EFCAB11: variants seen among roughly 807,000 people sequenced by gnomAD.
The protein encoded by EFCAB11 is EF-hand calcium-binding domain-containing protein 11.
EFCAB11 carries 14 observed loss-of-function variants against 23.0 expected under a neutral mutation model. The ratio of observed to expected loss-of-function variants is 0.61; its 90% CI spans 0.40 to 0.95. The LOEUF (loss-of-function observed/expected upper bound fraction) is 0.95. Ranked by LOEUF, EFCAB11 falls within the 40% of genes least tolerant of loss-of-function variation. The pLI is 0.00. For synonymous variants in EFCAB11, 65 were observed against 66.6 expected (o/e 0.98, Z 0.11); for missense variants, 198 against 195.8 (o/e 1.01, Z -0.07).
chr14:89,925,270 GGACCAGATGTTGGAAAAGA>G (rs1226071620), intron 5 of EFCAB11, among the ~76,000 whole-genome samples: 1 of 152,124 alleles, frequency 6.6e-6, no homozygotes, highest in Non-Finnish European at 1.5e-5. Context: ...TTTGAAAAGG[GGACCAGATGTTGGAAAAGA>G]GACCAGATGT....
chr14:89,873,401 A>G (rs551803005), intron 5 of EFCAB11, among the ~76,000 whole-genome samples: 24 of 152,310 alleles, frequency 1.6e-4, no homozygotes, highest in Admixed American at 2.6e-4. Context: ...CAGCCAAACC[A>G]TATCATTCTG....
chr14:89,815,747 T>C (rs1457401862), intron 5 of EFCAB11, among the ~76,000 whole-genome samples: 3 of 152,130 alleles, frequency 2.0e-5, no homozygotes, highest in East Asian at 1.9e-4. Context: ...ATTAGTACTA[T>C]ATAGATTGCT....
At chr14:89,858,096 A>G (rs1887810479) in intron 5 of EFCAB11, among the ~76,000 whole-genome samples, 1 of 152,204 alleles carries the variant, frequency 6.6e-6, no homozygotes, top group Non-Finnish European at 1.5e-5. Context: ...CTTCAAGAGT[A>G]GAGCCTGACA....
At chr14:89,840,350 T>C (rs1321011052) in intron 5 of EFCAB11, among the ~76,000 whole-genome samples, 1 of 152,248 alleles carries the variant, frequency 6.6e-6, no homozygotes, top group Non-Finnish European at 1.5e-5. Flanking sequence ...AGAAATTGTT[T>C]TGTACTTTGC....
At chr14:89,798,416 G>T (rs1445870311) in intron 5 of EFCAB11, among the ~76,000 whole-genome samples, 2 of 152,216 alleles carry the variant, frequency 1.3e-5, no homozygotes, top group Non-Finnish European at 2.9e-5. Context: ...AGGACCAAAA[G>T]CATAGTGTCA....
At chr14:89,812,867 A>G (rs1237505299) in intron 5 of EFCAB11, among the ~76,000 whole-genome samples, 1 of 152,254 alleles carries the variant, frequency 6.6e-6, no homozygotes, top group African/African-American at 2.4e-5. Context: ...AAGCAATTGA[A>G]GAAATTGTGA....
Position 89,875,974 on chromosome 14 carries a change from T to G in EFCAB11, c.410+55567A>C, listed in dbSNP as rs368934463. On this transcript the variant is annotated intron_variant, in intron 5 of 5. Transcript: ENST00000316738. Reference sequence around the variant, plus strand: ...TGTCAGATGCCAATGGAAAAGGGCATCTCAAGGAGGTCATTAGTTTGAATG... The same window carrying G: ...TGTCAGATGCCAATGGAAAAGGGCAGCTCAAGGAGGTCATTAGTTTGAATG... Among the ~76,000 whole-genome samples the G allele has an allele frequency of 4.8e-4, 73 of 152,266 alleles. No homozygotes were observed. In the South Asian group the frequency reaches 0.014, roughly 29 times the overall value.
At chr14:89,845,206 G>A (rs910696407) in intron 5 of EFCAB11, among the ~76,000 whole-genome samples, 6 of 151,884 alleles carry the variant, frequency 4.0e-5, no homozygotes, top group Non-Finnish European at 7.4e-5. Flanking sequence ...CTCTTCCATC[G>A]GTACTTTCTG....
chr14:89,926,789 T>C (rs1890208408), intron 5 of EFCAB11, among the ~76,000 whole-genome samples: 1 of 152,196 alleles, frequency 6.6e-6, no homozygotes, highest in Non-Finnish European at 1.5e-5. Flanking sequence ...TTTTTGAACA[T>C]GAAAGACAGT....
At chr14:89,949,055 T>C (rs1168740604) in intron 3 of EFCAB11, among the ~76,000 whole-genome samples, 1 of 152,202 alleles carries the variant, frequency 6.6e-6, no homozygotes, top group Admixed American at 6.5e-5. Flanking sequence ...GATGTGACTA[T>C]TAATACCTAG....
chr14:89,950,146 G>A lies in EFCAB11; in HGVS notation c.172-4C>T, dbSNP rs760367364. The A allele has an allele frequency of 6.4e-7, 1 of 1,552,150 alleles. No homozygotes were observed. Among genetic ancestry groups the A allele is most frequent in the East Asian group, 2.3e-5 (1 of 43,032 alleles). On this transcript the variant is annotated splice_polypyrimidine_tract_variant and splice_region_variant and intron_variant, in intron 2 of 5. Coordinates refer to ENST00000316738, the MANE Select transcript of EFCAB11 (RefSeq NM_145231.4). ...ACATCACAGAATCCACTTCTATCTA[G>A]AAAAGAGGAAAAAATAATAGAACAT...
At chr14:89,939,384 G>A (rs958461168) in intron 3 of EFCAB11, among the ~76,000 whole-genome samples, 1 of 152,186 alleles carries the variant, frequency 6.6e-6, no homozygotes, top group South Asian at 2.1e-4. Context: ...AGATGGGCGA[G>A]AGATTTGTAA....
At chr14:89,825,039 A>AC (rs1886643014) in intron 5 of EFCAB11, among the ~76,000 whole-genome samples, 1 of 148,852 alleles carries the variant, frequency 6.7e-6, no homozygotes, top group African/African-American at 2.5e-5. Context: ...CACTCCTGAC[A>AC]CCTACAGGAT....
At chr14:89,816,498 T>C (rs1435731454) in intron 5 of EFCAB11, among the ~76,000 whole-genome samples, 1 of 152,194 alleles carries the variant, frequency 6.6e-6, no homozygotes, top group Non-Finnish European at 1.5e-5. Flanking sequence ...CTAGCACACT[T>C]TGCTGGCCCT....
intron 5 of EFCAB11, among the ~76,000 whole-genome samples, chr14:89,870,450 A>G (rs1005840925): frequency 1.3e-5 from 2 of 152,248 alleles, no homozygotes; most frequent in African/African-American, 4.8e-5. Context: ...AGAATCCAAC[A>G]GATGTTATAT....
intron 5 of EFCAB11, among the ~76,000 whole-genome samples, chr14:89,914,539 C>T (rs981363585): frequency 6.6e-6 from 1 of 152,152 alleles, no homozygotes; most frequent in Non-Finnish European, 1.5e-5. Context: ...AATCCCAGCA[C>T]TTTGGGAGGA....
At chr14:89,890,039 C>T (rs78765578) in intron 5 of EFCAB11, among the ~76,000 whole-genome samples, 8,058 of 152,246 alleles carry the variant, frequency 0.053, 693 homozygotes, top group African/African-American at 0.18. Flanking sequence ...CCCATCAACA[C>T]ACTTGGACAC....
chr14:89,941,977 G>A (rs954429233), intron 3 of EFCAB11, among the ~76,000 whole-genome samples: 1 of 152,132 alleles, frequency 6.6e-6, no homozygotes, highest in Non-Finnish European at 1.5e-5. Flanking sequence ...TGAATCATGA[G>A]GGCTGACTTC....
intron 5 of EFCAB11, among the ~76,000 whole-genome samples, chr14:89,885,175 A>G (rs1888714496): frequency 1.3e-5 from 2 of 152,364 alleles, no homozygotes; most frequent in South Asian, 4.1e-4. Context: ...AAAAATCTAT[A>G]TAACTACATA....
Sources: gnomAD v4.1 joint callset for allele counts (sites outside exome capture counted in the v4.1 genomes callset) on GRCh38, gnomAD v4.1.1 for gene constraint, MANE v1.5 for transcripts, NCBI Gene and HGNC (gene_info 2026-07-23, HGNC 2026-07-21) for gene names.